Variants in BUD23 observed in about 807,000 individuals in gnomAD.
The protein encoded by BUD23 is BUD23 rRNA methyltransferase and ribosome maturation factor.
Under a neutral mutation model 47.0 loss-of-function variants are expected in BUD23, and 34 were observed. The ratio of observed to expected loss-of-function variants is 0.72; its 90% confidence interval spans 0.55 to 0.96. BUD23 has a LOEUF of 0.96. Among genes scored for constraint, BUD23 ranks in the 40% least tolerant of loss-of-function variants. The pLI, the probability that BUD23 is intolerant of heterozygous loss-of-function variation, is 0.00. For synonymous variants in BUD23, 124 were observed against 132.0 expected (o/e 0.94, Z 0.41); for missense variants, 343 against 361.2 (o/e 0.95, Z 0.41).
intron 10 of BUD23, chr7:73,695,690 C>T (rs1207079556): frequency 6.6e-6 from 1 of 152,340 alleles, no homozygotes; most frequent in Non-Finnish European, 1.5e-5. Context: ...GAGCCTAATC[C>T]AGCACTGCCC....
chr7:73,684,616 A>G lies in BUD23; in HGVS notation c.86+812A>G, dbSNP rs868988951. ...ACCTCGAGTCGTTAAAAAAAAAAAAAAGGGGGGGGGATGGGGGCGGGGGGA... is the reference window on the plus strand; with the variant it reads ...ACCTCGAGTCGTTAAAAAAAAAAAAGAGGGGGGGGGATGGGGGCGGGGGGA... On this transcript the variant is annotated intron_variant, in intron 2 of 11. Transcript: ENST00000265758. 9.5e-4 allele frequency among the ~76,000 whole-genome samples: 55 copies of G among 57,720 alleles called. 1 individual carries two copies. Among genetic ancestry groups the G allele is most frequent in the African/African-American group, 2.4e-3 (39 of 16,168 alleles). 37.9% of individuals were successfully genotyped at this position (57,720 alleles called of 152,430 possible). A position where few individuals can be genotyped will look rare whatever the true frequency, so the allele number is the denominator to read the frequency against.
rs1798506569 is a variant in BUD23 at position 73,698,136 on chromosome 7, GGAA to G, written c.*251_*253del. On this transcript the variant is annotated 3_prime_UTR_variant, in exon 12 of 12. Transcript: ENST00000265758. The stretch of plus-strand genomic sequence containing the variant: ...CATAATGAAACTTCCTTTCCAGGGA[GGAA>G]AAAAAAAAAAAAAAAAAGCTCTGAG... The G allele has an allele frequency of 3.6e-4, 39 of 109,364 alleles. 1 individual carries two copies. The highest frequency in any genetic ancestry group is 9.2e-4 in the East Asian group (5 of 5,420). 6.8% of individuals were successfully genotyped at this position (109,364 alleles called of 1,614,324 possible).
intron 2 of BUD23, among the ~76,000 whole-genome samples, chr7:73,684,161 G>C (rs1464780064): frequency 1.3e-5 from 2 of 152,102 alleles, no homozygotes; most frequent in Non-Finnish European, 2.9e-5. Flanking sequence ...TTATCGTGGC[G>C]CCTTGTTGCC....
Position 73,687,043 on chromosome 7 carries a change from G to A in BUD23, c.310G>A (p.Asp104Asn), listed in dbSNP as rs782103833. 6 of 1,613,998 alleles carry A rather than the reference G, an allele frequency of 3.7e-6. No individual in the cohort carries two copies. The East Asian group carries it at 8.9e-5, about 24-fold the overall frequency. ...REIEGDLLLG[D>N]MGQGIPFKPG... ...GATAGAGGGAGACCTGCTGCTGGGGGATATGGGCCAGGGCATCCCATTCAA... is the reference window on the plus strand; with the variant it reads ...GATAGAGGGAGACCTGCTGCTGGGGAATATGGGCCAGGGCATCCCATTCAA... Residue 104 changes from aspartate to asparagine, a missense_variant, in exon 5 of 12, where the codon GAT becomes AAT. Transcript: ENST00000265758.
intron 8 of BUD23, 64 bp downstream of exon 8, chr7:73,693,478 C>G: frequency 1.9e-6 from 3 of 1,601,160 alleles, no homozygotes. Context: ...ATAGCCCTTT[C>G]AGGCCACTCA....
intron 5 of BUD23, among the ~76,000 whole-genome samples, chr7:73,690,166 A>G (rs932992655): frequency 1.3e-5 from 2 of 152,072 alleles, no homozygotes; most frequent in Non-Finnish European, 2.9e-5. Flanking sequence ...CACCAAGCCC[A>G]GCTAATTTTT....
rs148856639 is a variant in BUD23 at position 73,697,605 on chromosome 7, G to C, written c.702G>C (p.Arg234Ser). Residue 234 changes from arginine (R) to serine (S), a missense_variant and splice_region_variant, in exon 11 of 12, where the codon AGG becomes AGC. Arg to Ser is a moderately radical substitution (Grantham distance 110). Transcript: ENST00000265758. Reference protein sequence around the residue: ...EPRESVFTNERFPLRMSRRGM... With the variant: ...EPRESVFTNESFPLRMSRRGM... ...GCTCATAGCTGTGTCTCCGCCACAGGTTCCCATTAAGGATGTCGAGGCGGG... is the reference window on the plus strand; with the variant it reads ...GCTCATAGCTGTGTCTCCGCCACAGCTTCCCATTAAGGATGTCGAGGCGGG... 2 of 1,613,588 alleles carry C rather than the reference G, an allele frequency of 1.2e-6. No homozygotes were observed. Among genetic ancestry groups the C allele is most frequent in the Non-Finnish European group, 1.7e-6 (2 of 1,179,938 alleles).
At chr7:73,691,724 C>T (rs1798199412) in intron 6 of BUD23, among the ~76,000 whole-genome samples, 1 of 151,972 alleles carries the variant, frequency 6.6e-6, no homozygotes, top group African/African-American at 2.4e-5. Flanking sequence ...TTCAGCTTCT[C>T]AAGTAGTTTG....
intron 10 of BUD23, 97 bp from the exon 11 acceptor site, chr7:73,697,508 G>A: frequency 6.3e-7 from 1 of 1,595,340 alleles, no homozygotes. Context: ...GAGGCCACCA[G>A]ACTCGGAGGT....
At chr7:73,686,755 G>C (rs782565438) in intron 3 of BUD23, 24 bp downstream of exon 3, 1 of 1,614,178 alleles carries the variant, frequency 6.2e-7, no homozygotes, top group South Asian at 1.1e-5. Flanking sequence ...GCCTGGTTCA[G>C]ATTGTCTAAG....
chr7:73,683,971 C>G, intron 2 of BUD23, 167 bp downstream of exon 2: 3 of 1,499,352 alleles, frequency 2.0e-6, no homozygotes, highest in Non-Finnish European at 2.7e-6. Flanking sequence ...AGTTGCCGAC[C>G]TCTCTGGGCC....
Position 73,697,694 on chromosome 7 carries a change from GGTGA to G in BUD23, c.791+4_791+7del. 1 of 1,611,742 alleles carries G rather than the reference GGTGA, an allele frequency of 6.2e-7. No homozygotes were observed. Among genetic ancestry groups the G allele is most frequent in the South Asian group, 1.1e-5 (1 of 91,010 alleles). ...AAGGAGCGGCACAGGCGCCAGGGCA[GGTGA>G]GTGCCAGCCTGGGAGCTGGCAGGGT... On this transcript the variant is annotated splice_donor_variant and splice_donor_region_variant and intron_variant, in intron 11 of 11. Coordinates refer to ENST00000265758, the MANE Select transcript of BUD23 (RefSeq NM_017528.5). LOFTEE classifies it high-confidence loss of function.
Position 73,698,128 on chromosome 7 carries a change from T to G in BUD23, c.*242T>G. The G allele has an allele frequency of 6.7e-6, 1 of 149,498 alleles. No individual in the cohort carries two copies. Among genetic ancestry groups the G allele is most frequent in the East Asian group, 9.2e-5 (1 of 10,896 alleles). 9.3% of individuals were successfully genotyped at this position (149,498 alleles called of 1,614,324 possible). On this transcript the variant is annotated 3_prime_UTR_variant, in exon 12 of 12. Transcript: ENST00000265758. ...CTGGGCAACATAATGAAACTTCCTT[T>G]CCAGGGAGGAAAAAAAAAAAAAAAA...
intron 2 of BUD23, among the ~76,000 whole-genome samples, chr7:73,685,335 C>T (rs1479456796): frequency 1.3e-5 from 2 of 152,196 alleles, no homozygotes; most frequent in Non-Finnish European, 2.9e-5. Flanking sequence ...GACAGGGTCT[C>T]TCTATTGCCC....
chr7:73,694,140 C>G (rs928909784), intron 10 of BUD23, 90 bp downstream of exon 10: 52 of 1,381,798 alleles, frequency 3.8e-5, no homozygotes, highest in Admixed American at 1.2e-4. Flanking sequence ...ACCCAAGCCT[C>G]TCAGGTCACA....
intron 9 of BUD23, 69 bp downstream of exon 9, chr7:73,693,738 G>T: frequency 6.3e-7 from 1 of 1,590,252 alleles, no homozygotes; most frequent in Non-Finnish European, 8.6e-7. Context: ...TCAGCCTGCA[G>T]AGCCTGCTGG....
rs1484603672 is a variant in BUD23, at chr7:73,690,765, ACGTGG to A, written c.363-149_363-145del. 6 of 633,806 alleles carry A rather than the reference ACGTGG, an allele frequency of 9.5e-6. No individual in the cohort carries two copies. The East Asian group carries it at 1.3e-4, about 14-fold the overall frequency. 39.3% of individuals were successfully genotyped at this position (633,806 alleles called of 1,614,324 possible). A position where few individuals can be genotyped will look rare whatever the true frequency, so the allele number is the denominator to read the frequency against. The stretch of plus-strand genomic sequence containing the variant: ...GGATTACAGGGCGTTGAACCACTGT[ACGTGG>A]CCTCAACCTGCACTTTCTAAGAAGG... On this transcript the variant is annotated intron_variant, in intron 5 of 11. Transcript: ENST00000265758.
At chr7:73,693,754 C>T (rs1554614443) in intron 9 of BUD23, 85 bp downstream of exon 9, 1 of 1,563,698 alleles carries the variant, frequency 6.4e-7, no homozygotes, top group African/African-American at 1.4e-5. Context: ...GCTGGGAGAA[C>T]ACTGGTGGGG....
At chr7:73,684,214 T>A (rs1554612388) in intron 2 of BUD23, among the ~76,000 whole-genome samples, 4 of 152,042 alleles carry the variant, frequency 2.6e-5, no homozygotes, top group Non-Finnish European at 4.4e-5. Context: ...TTGTCTGAAT[T>A]TCATAGAGGG....
Sources: gnomAD v4.1 joint callset for allele counts (sites outside exome capture counted in the v4.1 genomes callset) on GRCh38, gnomAD v4.1.1 for gene constraint, MANE v1.5 for transcripts, NCBI Gene and HGNC (gene_info 2026-07-23, HGNC 2026-07-21) for gene names.